CREG2: variants seen among roughly 807,000 people sequenced by gnomAD.
CREG2 encodes protein CREG2.
A neutral mutation model predicts 26.2 loss-of-function variants in CREG2; 24 were observed. The ratio of observed to expected loss-of-function variants is 0.92; its 90% CI spans 0.66 to 1.29. The LOEUF (loss-of-function observed/expected upper bound fraction) is 1.29. Ranked by LOEUF, CREG2 falls within the 50% of genes most tolerant of loss-of-function variation. The probability of loss-of-function intolerance (pLI) is 0.00; values close to 1 mark genes in which losing one functional copy is unlikely to be tolerated. For missense variants in CREG2, 366 were observed against 398.6 expected (o/e 0.92, Z 0.70); for synonymous variants, 174 against 169.2 (o/e 1.03, Z -0.22).
chr2:101,361,440 C>T (rs1379984709), intron 2 of CREG2, among the ~76,000 whole-genome samples: 3 of 152,158 alleles, frequency 2.0e-5, no homozygotes, highest in Non-Finnish European at 4.4e-5. Context: ...AAGTGGAAAG[C>T]GTTGAAGTGA....
chr2:101,368,252 C>T (rs1403110357), intron 2 of CREG2, among the ~76,000 whole-genome samples: 1 of 149,354 alleles, frequency 6.7e-6, no homozygotes, highest in Non-Finnish European at 1.5e-5. Flanking sequence ...TGCACCATTG[C>T]ACTCCAGCCT....
At chr2:101,353,355 A>G (rs772419480) in intron 3 of CREG2, among the ~76,000 whole-genome samples, 3 of 152,236 alleles carry the variant, frequency 2.0e-5, no homozygotes, top group Non-Finnish European at 2.9e-5. Context: ...GCCAACAAAT[A>G]TATGAAACAA....
At position 101,351,896 on chromosome 2, in the gene CREG2, T is replaced by G. The variant is rs185173954; in HGVS notation, c.726-826A>C. Among the ~76,000 whole-genome samples the G allele has an allele frequency of 5.7e-3, 865 of 152,258 alleles. 5 individuals are homozygous for G. Among genetic ancestry groups the G allele is most frequent in the Non-Finnish European group, 9.2e-3 (629 of 68,024 alleles). On this transcript the variant is annotated intron_variant, in intron 3 of 3. Coordinates refer to ENST00000324768, the MANE Select transcript of CREG2 (RefSeq NM_153836.4). The stretch of plus-strand genomic sequence containing the variant: ...ATGATCTTTATTTATTAAAAAATTT[T>G]TTTTTTAGAGATGGAATCTTGCTCT...
rs1396793605 is a variant in CREG2 at position 101,349,388 on chromosome 2, A to G, written c.*1535T>C. The G allele has an allele frequency of 6.6e-6, 1 of 152,596 alleles. No homozygotes were observed. The highest frequency in any genetic ancestry group is 1.5e-5 in the Non-Finnish European group (1 of 68,024). The allele number at this position is 152,596 out of a possible 1,614,324, so 9.5% of individuals were successfully genotyped here. ...TAGATAATTAAAATATATTTTGACA[A>G]CTCAAGCTCTCGTCGTATGTTATTT... On this transcript the variant is annotated 3_prime_UTR_variant, in exon 4 of 4. Coordinates refer to ENST00000324768, the MANE Select transcript of CREG2 (RefSeq NM_153836.4).
intron 2 of CREG2, among the ~76,000 whole-genome samples, chr2:101,376,860 G>A (rs1684799635): frequency 6.6e-6 from 1 of 152,176 alleles, no homozygotes; most frequent in Non-Finnish European, 1.5e-5. Context: ...AAATTAGACA[G>A]TGTTTAATTT....
At chr2:101,356,088 G>A (rs1684454607) in intron 2 of CREG2, among the ~76,000 whole-genome samples, 1 of 152,144 alleles carries the variant, frequency 6.6e-6, no homozygotes, top group African/African-American at 2.4e-5. Context: ...GTGCAGGAAG[G>A]TGATCTTTCC....
chr2:101,352,682 C>G (rs1684400311), intron 3 of CREG2, among the ~76,000 whole-genome samples: 1 of 152,162 alleles, frequency 6.6e-6, no homozygotes, highest in Non-Finnish European at 1.5e-5. Context: ...GTGGTGCACA[C>G]CTGTAATCCC....
chr2:101,348,035 T>G lies in CREG2; in HGVS notation c.*2888A>C, dbSNP rs1573297099. On this transcript the variant is annotated 3_prime_UTR_variant, in exon 4 of 4. Transcript: ENST00000324768. ...ATTTTATTTTCCTATGGATGTCCAC[T>G]TACTCCACACTTATTGAAAAGGCTA... 2 of 152,340 alleles carry G rather than the reference T, an allele frequency of 1.3e-5. No individual in the cohort carries two copies. The highest frequency in any genetic ancestry group is 4.8e-5 in the African/African-American group (2 of 41,578). 9.4% of individuals were successfully genotyped at this position (152,340 alleles called of 1,614,324 possible).
intron 2 of CREG2, among the ~76,000 whole-genome samples, chr2:101,379,704 A>G (rs1416648535): frequency 6.6e-6 from 1 of 152,210 alleles, no homozygotes; most frequent in African/African-American, 2.4e-5. Context: ...AACTAGGTAT[A>G]AATCAAATAT....
At chr2:101,367,514 A>G (rs996056821) in intron 2 of CREG2, among the ~76,000 whole-genome samples, 2 of 152,244 alleles carry the variant, frequency 1.3e-5, no homozygotes, top group Admixed American at 1.3e-4. Flanking sequence ...CATTAGAATA[A>G]ATCACCATGT....
intron 3 of CREG2, among the ~76,000 whole-genome samples, chr2:101,352,051 T>A (rs1406569467): frequency 3.8e-3 from 12 of 3,188 alleles, no homozygotes; most frequent in Non-Finnish European, 0.015. Context: ...AAAAAAAATT[T>A]TTTTTTTTTT....
At position 101,387,495 on chromosome 2, in the gene CREG2, A is replaced by G; in HGVS notation, c.-38T>C. The G allele has an allele frequency of 1.3e-6, 1 of 786,928 alleles. No individual in the cohort carries two copies. The allele number at this position is 786,928 out of a possible 1,614,324, so 48.7% of individuals were successfully genotyped here. Reference sequence around the variant, plus strand: ...ACGCCCGGCCGCCGGGGCCGCCAGCAGCGCTAGTGCCGGGGAGCCCGGCAG... The same window carrying G: ...ACGCCCGGCCGCCGGGGCCGCCAGCGGCGCTAGTGCCGGGGAGCCCGGCAG... On this transcript the variant is annotated 5_prime_UTR_variant, in exon 1 of 4. Coordinates refer to ENST00000324768, the MANE Select transcript of CREG2 (RefSeq NM_153836.4). This position sits in a 1 kb window ranked among gnomAD's most constrained non-coding sequence, Gnocchi z 4.7.
chr2:101,376,163 T>C (rs1301675356), intron 2 of CREG2: 3 of 152,696 alleles, frequency 2.0e-5, no homozygotes, highest in Non-Finnish European at 4.4e-5. Flanking sequence ...GTCTGCCTCT[T>C]CGCCTCTGCT....
At chr2:101,362,784 A>G (rs2104474632) in intron 2 of CREG2, among the ~76,000 whole-genome samples, 1 of 152,264 alleles carries the variant, frequency 6.6e-6, no homozygotes, top group Middle Eastern at 3.4e-3. Context: ...TCAGCTACCC[A>G]TGCCCTGTGA....
At chr2:101,378,257 CA>C (rs775564213) in intron 2 of CREG2, among the ~76,000 whole-genome samples, 10 of 152,222 alleles carry the variant, frequency 6.6e-5, no homozygotes, top group Non-Finnish European at 1.2e-4. Flanking sequence ...CTTCATTTTA[CA>C]AATGACTTAA....
chr2:101,383,085 G>T, intron 2 of CREG2: 1 of 729,492 alleles, frequency 1.4e-6, no homozygotes, highest in South Asian at 6.0e-5. Context: ...ATATCTCTGG[G>T]GACAGGATAG....
At chr2:101,373,560 T>C (rs1330321847) in intron 2 of CREG2, among the ~76,000 whole-genome samples, 2 of 152,178 alleles carry the variant, frequency 1.3e-5, no homozygotes, top group African/African-American at 2.4e-5. Flanking sequence ...CTGCTTAAGA[T>C]GGAGTCATGT....
intron 2 of CREG2, among the ~76,000 whole-genome samples, chr2:101,372,715 C>A (rs1167441210): frequency 6.6e-6 from 1 of 152,122 alleles, no homozygotes; most frequent in East Asian, 1.9e-4. Flanking sequence ...TAGAGAAAGA[C>A]ACATAAACAC....
chr2:101,382,410 GA>G (rs1424378088), intron 2 of CREG2: 123 of 822,312 alleles, frequency 1.5e-4, no homozygotes, highest in Non-Finnish European at 1.6e-4. Context: ...TGGGAAACAA[GA>G]GCGAAACTCT....
Sources: gnomAD v4.1 joint callset for allele counts (sites outside exome capture counted in the v4.1 genomes callset) on GRCh38, gnomAD v4.1.1 for gene constraint, Gnocchi (gnomAD v3.1) non-coding constraint, MANE v1.5 for transcripts, NCBI Gene and HGNC (gene_info 2026-07-23, HGNC 2026-07-21) for gene names.